HENMT1: variants seen among roughly 807,000 people sequenced by gnomAD.
HENMT1 encodes small RNA 2'-O-methyltransferase.
HENMT1 carries 27 observed loss-of-function variants against 31.1 expected under a neutral mutation model. The observed-to-expected ratio is 0.87, with a 90% CI of 0.64 to 1.20. The LOEUF (loss-of-function observed/expected upper bound fraction) is 1.20, where lower values mean the gene tolerates loss of function less well. Among genes scored for constraint, HENMT1 ranks in the 50% most tolerant of loss-of-function variants. The pLI is 0.00. For synonymous variants in HENMT1, 167 were observed against 172.2 expected, an observed-to-expected ratio of 0.97 and a Z score of 0.24; for missense variants, 438 against 469.6, an observed-to-expected ratio of 0.93 and a Z score of 0.62.
intron 5 of HENMT1, 129 bp from the exon 6 acceptor site, chr1:108,651,338 T>C (rs894637608): frequency 5.3e-6 from 4 of 747,758 alleles, no homozygotes; most frequent in Non-Finnish European, 8.7e-6. Context: ...TAATAATGCT[T>C]ATATGACCTA....
chr1:108,655,848 T>TACAAAC, intron 3 of HENMT1, 150 bp from the exon 4 acceptor site: 1 of 232,618 alleles, frequency 4.3e-6, no homozygotes, highest in East Asian at 7.9e-5. Context: ...CAGAAGATGC[T>TACAAAC]ACACACACAC....
intron 2 of HENMT1, 140 bp downstream of exon 2, chr1:108,659,724 G>T: frequency 5.0e-6 from 3 of 595,638 alleles, no homozygotes; most frequent in Non-Finnish European, 9.0e-6. Context: ...TTTCATCTAT[G>T]TATACCCTTG....
chr1:108,657,607 GT>G (rs768860367), intron 2 of HENMT1, 28 bp from the exon 3 acceptor site: 36 of 1,587,930 alleles, frequency 2.3e-5, no homozygotes, highest in Admixed American at 5.5e-5. Flanking sequence ...AAAAAGACAG[GT>G]TCTAAATCAT....
chr1:108,660,109 CCT>C (rs777962607), intron 1 of HENMT1, 147 bp from the exon 2 acceptor site: 23 of 303,778 alleles, frequency 7.6e-5, no homozygotes, highest in Middle Eastern at 1.7e-3. Flanking sequence ...AATGAATTCA[CCT>C]CTGAGTACTC....
At position 108,648,805 on chromosome 1, in the gene HENMT1, CA is replaced by C; in HGVS notation, c.942del (p.Phe314LeufsTer13). 5 of 1,614,182 alleles carry C rather than the reference CA, an allele frequency of 3.1e-6. No homozygotes were observed. The highest frequency in any genetic ancestry group is 4.2e-6 in the Non-Finnish European group (5 of 1,180,022). The stretch of plus-strand genomic sequence containing the variant: ...TTCTCAACCTCTGTGAAGACTGGTC[CA>C]AAGCATGGGACAGGGGCCTTTGAGC... ...IGGSKAPVPC[F>X]GPVFTEVEKA... On this transcript the variant is annotated frameshift_variant, in exon 8 of 8. Transcript: ENST00000651461. LOFTEE classifies it low-confidence loss of function (END_TRUNC).
Position 108,648,676 on chromosome 1 carries a change from T to G in HENMT1, c.1072A>C (p.Asn358His), listed in dbSNP as rs115379157. 17 of 1,614,196 alleles carry G rather than the reference T, an allele frequency of 1.1e-5. No homozygotes were observed. Among genetic ancestry groups the G allele is most frequent in the Non-Finnish European group, 1.4e-5 (16 of 1,180,036 alleles). The change falls in exon 8 of 8, where the codon AAT (asparagine) becomes CAT (histidine). Residue 358 changes from asparagine to histidine, a missense_variant. Coordinates refer to ENST00000651461, the MANE Select transcript of HENMT1 (RefSeq NM_001102592.2). Reference sequence around the variant, plus strand: ...ATGACTGATCTCATCATCTCTTCATTAGCACATAAGCGGTTCAACTTGGGA... The same window carrying G: ...ATGACTGATCTCATCATCTCTTCATGAGCACATAAGCGGTTCAACTTGGGA... ...AYPKLNRLCA[N>H]EEMMRSVIAD...
At chr1:108,658,784 C>T (rs1351845187) in intron 2 of HENMT1, among the ~76,000 whole-genome samples, 2 of 149,802 alleles carry the variant, frequency 1.3e-5, no homozygotes, top group Admixed American at 1.3e-4. Flanking sequence ...TGCAACAGTC[C>T]TCAATAAAGT....
chr1:108,654,173 G>T (rs1220499513), intron 5 of HENMT1, among the ~76,000 whole-genome samples: 1 of 152,108 alleles, frequency 6.6e-6, no homozygotes, highest in African/African-American at 2.4e-5. Flanking sequence ...TGGTGTCTTT[G>T]TTGAAATCAG....
chr1:108,659,959 T>A lies in HENMT1; in HGVS notation c.-75A>T. 8 of 1,509,552 alleles carry A rather than the reference T, an allele frequency of 5.3e-6. No individual in the cohort carries two copies. The highest frequency in any genetic ancestry group is 1.4e-5 in the African/African-American group (1 of 70,268). 93.5% of individuals were successfully genotyped at this position (1,509,552 alleles called of 1,614,324 possible). A position where few individuals can be genotyped will look rare whatever the true frequency, so the allele number is the denominator to read the frequency against. ...TCTATTTGAGAGAATCAGCACTGAC[T>A]CAGCTGTAATAAATACAAAACCGTT... On this transcript the variant is annotated 5_prime_UTR_variant, in exon 2 of 8. Coordinates refer to ENST00000651461, the MANE Select transcript of HENMT1 (RefSeq NM_001102592.2).
chr1:108,660,416 C>T (rs1217537994), intron 1 of HENMT1, among the ~76,000 whole-genome samples: 1 of 151,916 alleles, frequency 6.6e-6, no homozygotes, highest in East Asian at 1.9e-4. Context: ...TTGCTAAGAC[C>T]CTCAACTTCA....
intron 5 of HENMT1, among the ~76,000 whole-genome samples, chr1:108,653,275 CA>C (rs1268199262): frequency 6.6e-6 from 1 of 152,118 alleles, no homozygotes; most frequent in East Asian, 1.9e-4. Flanking sequence ...CTCGGCCTCC[CA>C]AAGTGCTGGG....
chr1:108,656,742 G>C (rs942932898), intron 3 of HENMT1, among the ~76,000 whole-genome samples: 19 of 152,150 alleles, frequency 1.2e-4, no homozygotes, highest in African/African-American at 4.3e-4. Context: ...GGAATTACAG[G>C]TGTAAACCAT....
rs113623524 is a variant in HENMT1, at chr1:108,648,768, T to G, written c.980A>C (p.Glu327Ala). 1 of 1,614,204 alleles carries G rather than the reference T, an allele frequency of 6.2e-7. No individual in the cohort carries two copies. Among genetic ancestry groups the G allele is most frequent in the Non-Finnish European group, 8.5e-7 (1 of 1,180,036 alleles). Residue 327 changes from glutamate (E) to alanine (A), a missense_variant, in exon 8 of 8, where the codon GAG (glutamate) becomes GCG (alanine). Coordinates refer to ENST00000651461, the MANE Select transcript of HENMT1 (RefSeq NM_001102592.2). Reference protein sequence around the residue: ...VFTEVEKAKIENSPTPFCVGD... With the variant: ...VFTEVEKAKIANSPTPFCVGD... ...AACACAGAAGGGTGTGGGAGAGTTCTCTATCTTGGCCTTCTCAACCTCTGT... is the reference window on the plus strand; with the variant it reads ...AACACAGAAGGGTGTGGGAGAGTTCGCTATCTTGGCCTTCTCAACCTCTGT...
intron 3 of HENMT1, 79 bp downstream of exon 3, chr1:108,657,372 C>T: frequency 1.9e-6 from 2 of 1,029,114 alleles, no homozygotes; most frequent in South Asian, 2.7e-5. Context: ...TCTCTCCATA[C>T]TAATCCATTT....
At chr1:108,660,121 C>CAAAAAAA (rs34387673) in intron 1 of HENMT1, among the ~76,000 whole-genome samples, 159 bp from the exon 2 acceptor site, 1 of 125,974 alleles carries the variant, frequency 7.9e-6, no homozygotes, top group African/African-American at 3.1e-5. Flanking sequence ...TCTGAGTACT[C>CAAAAAAA]AAAAAAAAAA....
At chr1:108,658,373 T>G (rs891345302) in intron 2 of HENMT1, among the ~76,000 whole-genome samples, 1 of 152,148 alleles carries the variant, frequency 6.6e-6, no homozygotes, top group Non-Finnish European at 1.5e-5. Flanking sequence ...GACCTCGTGA[T>G]CCACCCGCCT....
intron 5 of HENMT1, among the ~76,000 whole-genome samples, chr1:108,654,082 C>CT (rs1403901316): frequency 6.6e-6 from 1 of 152,150 alleles, no homozygotes; most frequent in African/African-American, 2.4e-5. Flanking sequence ...AGATAGGAGT[C>CT]TAATTTCATT....
chr1:108,650,439 T>C, intron 6 of HENMT1, 51 bp from the exon 7 acceptor site: 4 of 1,505,480 alleles, frequency 2.7e-6, no homozygotes, highest in Non-Finnish European at 3.6e-6. Flanking sequence ...AGAGCTACTG[T>C]TAAATAAGGA....
At position 108,660,996 on chromosome 1, in the gene HENMT1, C is replaced by A. The variant is rs1447659100; in HGVS notation, c.-112G>T. 1.0e-6 allele frequency: 1 copy of A among 985,208 alleles called. No individual in the cohort carries two copies. The highest frequency in any genetic ancestry group is 1.7e-5 in the African/African-American group (1 of 57,254). 61.0% of individuals were successfully genotyped at this position (985,208 alleles called of 1,614,324 possible). A position where few individuals can be genotyped will look rare whatever the true frequency, so the allele number is the denominator to read the frequency against. On this transcript the variant is annotated 5_prime_UTR_variant, in exon 1 of 8. Coordinates refer to ENST00000651461, the MANE Select transcript of HENMT1 (RefSeq NM_001102592.2). ...ACGCTTCTGTCTTTGTACGGGCCGT[C>A]GCTTCCATCATCCTGCGGTAAGCAG...
Sources: gnomAD v4.1 joint callset for allele counts (sites outside exome capture counted in the v4.1 genomes callset) on GRCh38, gnomAD v4.1.1 for gene constraint, MANE v1.5 for transcripts, NCBI Gene and HGNC (gene_info 2026-07-23, HGNC 2026-07-21) for gene names.